The following MAP7 variants were observed in gnomAD, a reference collection of about 807,000 sequenced individuals.
The protein encoded by MAP7 is ensconsin.
MAP7 carries 52 observed loss-of-function variants against 94.8 expected under a neutral mutation model. The observed-to-expected ratio is 0.55, with a 90% confidence interval of 0.44 to 0.69. The LOEUF (loss-of-function observed/expected upper bound fraction) is 0.69. Ranked by LOEUF, MAP7 falls within the 30% of genes least tolerant of loss-of-function variation. The probability of loss-of-function intolerance (pLI) is 0.00; values close to 1 mark genes in which losing one functional copy is unlikely to be tolerated. For synonymous variants in MAP7, 350 were observed against 357.0 expected, an observed-to-expected ratio of 0.98 and a Z score of 0.22; for missense variants, 940 against 964.6, an observed-to-expected ratio of 0.97 and a Z score of 0.34.
At chr6:136,357,705 C>T (rs1791417752) in intron 15 of MAP7, among the ~76,000 whole-genome samples, 1 of 152,048 alleles carries the variant, frequency 6.6e-6, no homozygotes, top group African/African-American at 2.4e-5. Context: ...GCTATGTTGC[C>T]CAGTCTTGAA....
At chr6:136,505,275 G>A (rs193123207) in intron 1 of MAP7, among the ~76,000 whole-genome samples, 9,796 of 64,788 alleles carry the variant, frequency 0.15, 561 homozygotes, top group East Asian at 0.25. Context: ...GTGTGTGTGT[G>A]TGTATATATA....
At chr6:136,490,589 C>T (rs1816266698) in intron 1 of MAP7, among the ~76,000 whole-genome samples, 1 of 152,148 alleles carries the variant, frequency 6.6e-6, no homozygotes. Flanking sequence ...TTCTTTAGGA[C>T]ATTTGAATTT....
Position 136,360,999 on chromosome 6 carries a change from C to T in MAP7, c.1701+6G>A. ...GGGCCGGGGCCAGGGTGGGGTGCGG[C>T]CGCACCTGCCTCTGGGCGCGCTCTG... On this transcript the variant is annotated splice_donor_region_variant and intron_variant, in intron 12 of 17. Transcript: ENST00000354570. The T allele has an allele frequency of 1.3e-6, 2 of 1,562,518 alleles. No individual in the cohort carries two copies. The highest frequency in any genetic ancestry group is 1.7e-6 in the Non-Finnish European group (2 of 1,161,630).
At chr6:136,357,623 T>G (rs993636507) in intron 15 of MAP7, among the ~76,000 whole-genome samples, 1 of 152,020 alleles carries the variant, frequency 6.6e-6, no homozygotes, top group African/African-American at 2.4e-5. Flanking sequence ...GCCTCTCAAG[T>G]AGCTGGAACC....
intron 1 of MAP7, among the ~76,000 whole-genome samples, chr6:136,423,532 T>C (rs890984050): frequency 3.9e-5 from 6 of 152,058 alleles, no homozygotes; most frequent in African/African-American, 1.4e-4. Context: ...GGTCAGCCGC[T>C]GTTTCCAGAG....
rs939604097 is a variant in MAP7 at position 136,550,090 on chromosome 6, T to A, written c.67+252A>T. ...CTCGCCTCCACCTGTTGCGGGAAAGTCGCGGTGGAGCGCCCGAGGGCGGCC... is the reference window on the plus strand; with the variant it reads ...CTCGCCTCCACCTGTTGCGGGAAAGACGCGGTGGAGCGCCCGAGGGCGGCC... On this transcript the variant is annotated intron_variant, in intron 1 of 17. Coordinates refer to ENST00000354570, the MANE Select transcript of MAP7 (RefSeq NM_003980.6). This position sits in a 1 kb window ranked among gnomAD's most constrained non-coding sequence, Gnocchi z 5.1. 7.3e-5 allele frequency among the ~76,000 whole-genome samples: 11 copies of A among 150,968 alleles called. No individual in the cohort carries two copies. The highest frequency in any genetic ancestry group is 2.7e-4 in the African/African-American group (11 of 41,106).
At chr6:136,437,196 C>T (rs1027680304) in intron 1 of MAP7, among the ~76,000 whole-genome samples, 2 of 152,202 alleles carry the variant, frequency 1.3e-5, no homozygotes, top group African/African-American at 2.4e-5. Flanking sequence ...AAGTGTTCTT[C>T]CACCCTTTAG....
At chr6:136,480,623 C>T (rs1812474178) in intron 1 of MAP7, among the ~76,000 whole-genome samples, 2 of 107,720 alleles carry the variant, frequency 1.9e-5, no homozygotes, top group African/African-American at 7.4e-5. Context: ...GCCTGGGTGA[C>T]AGAGTGAGAC....
intron 1 of MAP7, among the ~76,000 whole-genome samples, chr6:136,507,058 C>T (rs1336471663): frequency 2.6e-5 from 4 of 152,210 alleles, no homozygotes; most frequent in Middle Eastern, 3.4e-3. Context: ...TGATTCTGGA[C>T]GCTGCCTGAT....
intron 8 of MAP7, among the ~76,000 whole-genome samples, chr6:136,369,018 G>A (rs1166010532): frequency 2.0e-5 from 3 of 152,248 alleles, no homozygotes; most frequent in Non-Finnish European, 4.4e-5. Flanking sequence ...ATTACAGGTT[G>A]AGTATCCCTT....
intron 1 of MAP7, among the ~76,000 whole-genome samples, chr6:136,528,486 C>G (rs1327787287): frequency 6.6e-6 from 1 of 152,140 alleles, no homozygotes; most frequent in Admixed American, 6.5e-5. Context: ...CTTCTTTCCT[C>G]TACTTCAAGA....
chr6:136,526,277 GCA>G (rs61514681), intron 1 of MAP7: 185,977 of 816,208 alleles, frequency 0.23, 3,899 homozygotes, highest in Non-Finnish European at 0.25. Context: ...ACACGCGCGC[GCA>G]CACACACACA....
chr6:136,405,742 G>A (rs1295109621), intron 3 of MAP7, among the ~76,000 whole-genome samples: 2 of 152,202 alleles, frequency 1.3e-5, no homozygotes, highest in East Asian at 1.9e-4. Flanking sequence ...TGCAGAATCC[G>A]GGTGAAAGAT....
At chr6:136,380,334 CAT>C (rs1777411507) in intron 6 of MAP7, among the ~76,000 whole-genome samples, 1 of 152,098 alleles carries the variant, frequency 6.6e-6, no homozygotes, top group African/African-American at 2.4e-5. Flanking sequence ...AAATTAGACA[CAT>C]GTTGCCAGGT....
At chr6:136,376,135 A>G (rs1024990621) in intron 7 of MAP7, among the ~76,000 whole-genome samples, 1 of 151,754 alleles carries the variant, frequency 6.6e-6, no homozygotes, top group Non-Finnish European at 1.5e-5. Context: ...GTCTCGCTCT[A>G]TCCCCCAGGC....
intron 1 of MAP7, among the ~76,000 whole-genome samples, chr6:136,446,457 T>C (rs1253060757): frequency 1.3e-5 from 2 of 152,232 alleles, no homozygotes; most frequent in Non-Finnish European, 2.9e-5. Context: ...ACCCAGTCCT[T>C]TTGAGCTTTT....
intron 1 of MAP7, among the ~76,000 whole-genome samples, chr6:136,456,016 T>C (rs1802746862): frequency 6.6e-6 from 1 of 152,182 alleles, no homozygotes; most frequent in Non-Finnish European, 1.5e-5. Context: ...CAATTTCCCA[T>C]AACTTGCTTA....
At chr6:136,426,947 TAAAG>T (rs1793343339) in intron 1 of MAP7, among the ~76,000 whole-genome samples, 1 of 152,202 alleles carries the variant, frequency 6.6e-6, no homozygotes, top group Non-Finnish European at 1.5e-5. Flanking sequence ...GATCTCATCT[TAAAG>T]AAAACAATAA....
chr6:136,360,712 G>A lies in MAP7; in HGVS notation c.1788C>T (p.Arg596=). 1 of 1,614,100 alleles carries A rather than the reference G, an allele frequency of 6.2e-7. No homozygotes were observed. Among genetic ancestry groups the A allele is most frequent in the Admixed American group, 1.7e-5 (1 of 60,012 alleles). Residue 596 remains arginine, a synonymous_variant, in exon 13 of 18, where the codon CGC becomes CGT. Transcript: ENST00000354570. ...EKHFQREEQE[R]LERKKRLEEI... ...ACGCAGCTACCTTCTTTCTCTCCAG[G>A]CGCTCTTGCTCTTCTCTCTGGAAAT...
Sources: allele counts gnomAD v4.1 joint callset (sites outside exome capture counted in the v4.1 genomes callset), GRCh38; gene constraint gnomAD v4.1.1; non-coding constraint Gnocchi (gnomAD v3.1); transcripts MANE v1.5; gene names NCBI Gene and HGNC (gene_info 2026-07-23, HGNC 2026-07-21).